ITFG1: variants seen among roughly 807,000 people sequenced by gnomAD.
The protein encoded by ITFG1 is integrin alpha FG-GAP repeat containing 1.
ITFG1 carries 34 observed loss-of-function variants against 81.8 expected under a neutral mutation model. The ratio of observed to expected loss-of-function variants is 0.42; its 90% CI spans 0.32 to 0.55. ITFG1 has a LOEUF of 0.55. Ranked by LOEUF, ITFG1 falls within the 20% of genes least tolerant of loss-of-function variation. The probability of loss-of-function intolerance (pLI) is 0.17; values close to 1 mark genes in which losing one functional copy is unlikely to be tolerated. For synonymous variants in ITFG1, 285 were observed against 270.6 expected, an observed-to-expected ratio of 1.05 and a Z score of -0.52; for missense variants, 672 against 755.4, an observed-to-expected ratio of 0.89 and a Z score of 1.29.
rs1395519083 is a variant in ITFG1, at chr16:47,260,574, C to G, written c.1192G>C (p.Val398Leu). Residue 398 changes from valine to leucine, a missense_variant, in exon 11 of 18, where the codon GTT becomes CTT. Transcript: ENST00000320640. ...TDLNQIKDAM[V>L]ATFFDIYEDG... ...TCGTAAATGTCAAAGAAGGTGGCAACCATGGCATCCTTAATTTGATTTAGG... is the reference window on the plus strand; with the variant it reads ...TCGTAAATGTCAAAGAAGGTGGCAAGCATGGCATCCTTAATTTGATTTAGG... 1.9e-6 allele frequency: 3 copies of G among 1,614,128 alleles called. No homozygotes were observed. The highest frequency in any genetic ancestry group is 2.2e-5 in the South Asian group (2 of 91,080).
intron 13 of ITFG1, among the ~76,000 whole-genome samples, chr16:47,230,459 A>G (rs557010714): frequency 6.6e-6 from 1 of 152,260 alleles, no homozygotes; most frequent in African/African-American, 2.4e-5. Flanking sequence ...GAAAAGAGAG[A>G]TGGGTAGTAG....
intron 6 of ITFG1, among the ~76,000 whole-genome samples, chr16:47,418,845 T>C (rs927850233): frequency 2.0e-5 from 3 of 152,230 alleles, no homozygotes; most frequent in African/African-American, 7.2e-5. Flanking sequence ...AGAATTGTTC[T>C]TTTTGCTCAG....
At chr16:47,190,484 G>A (rs764743007) in intron 14 of ITFG1, among the ~76,000 whole-genome samples, 8 of 152,136 alleles carry the variant, frequency 5.3e-5, no homozygotes, top group Non-Finnish European at 1.2e-4. Flanking sequence ...TTTTCCTTTA[G>A]CAAAGTCAGT....
At chr16:47,282,407 G>T (rs1183061350) in intron 10 of ITFG1, among the ~76,000 whole-genome samples, 5 of 152,040 alleles carry the variant, frequency 3.3e-5, no homozygotes. Flanking sequence ...TGCTGCAAAA[G>T]ACACGATTTC....
At chr16:47,453,036 T>A (rs1338273908) in intron 3 of ITFG1, among the ~76,000 whole-genome samples, 1 of 152,168 alleles carries the variant, frequency 6.6e-6, no homozygotes, top group Non-Finnish European at 1.5e-5. Flanking sequence ...GAGGTATGCA[T>A]CTAAATATTT....
intron 6 of ITFG1, chr16:47,396,292 G>A: frequency 7.3e-6 from 2 of 272,926 alleles, no homozygotes; most frequent in Non-Finnish European, 1.1e-5. Flanking sequence ...TCTCCAATGG[G>A]AGCAAAAGGG....
At chr16:47,404,601 C>T (rs1215420062) in intron 6 of ITFG1, among the ~76,000 whole-genome samples, 3 of 151,852 alleles carry the variant, frequency 2.0e-5, no homozygotes, top group Admixed American at 2.0e-4. Flanking sequence ...TATTATTTCC[C>T]TTCTTCTCTA....
At chr16:47,217,818 G>A (rs1015167062) in intron 14 of ITFG1, among the ~76,000 whole-genome samples, 2 of 152,064 alleles carry the variant, frequency 1.3e-5, no homozygotes, top group South Asian at 2.1e-4. Context: ...CCAGCTGCTC[G>A]GGAGGCTGAG....
chr16:47,434,237 C>T (rs1038040517), intron 5 of ITFG1, among the ~76,000 whole-genome samples: 1 of 151,620 alleles, frequency 6.6e-6, no homozygotes, highest in Admixed American at 6.6e-5. Flanking sequence ...AGTTTCTGCA[C>T]AGCGAAAGAA....
chr16:47,299,541 G>A (rs550802652), intron 10 of ITFG1: 1 of 152,486 alleles, frequency 6.6e-6, no homozygotes, highest in South Asian at 2.1e-4. Context: ...CAGCCCTGAT[G>A]GGGGTTGGAG....
At chr16:47,164,998 G>C (rs1004789846) in intron 14 of ITFG1, among the ~76,000 whole-genome samples, 1 of 152,222 alleles carries the variant, frequency 6.6e-6, no homozygotes, top group Non-Finnish European at 1.5e-5. Flanking sequence ...TGTGGCTTTG[G>C]TTAATTTCCA....
chr16:47,323,100 T>C (rs745897417), intron 8 of ITFG1, among the ~76,000 whole-genome samples: 36 of 152,112 alleles, frequency 2.4e-4, no homozygotes, highest in Non-Finnish European at 4.7e-4. Context: ...ACTATTATGA[T>C]TTGAATATTT....
At chr16:47,242,257 A>G (rs1485311939) in intron 12 of ITFG1, among the ~76,000 whole-genome samples, 2 of 152,036 alleles carry the variant, frequency 1.3e-5, no homozygotes, top group East Asian at 1.9e-4. Context: ...GAACTTCTAG[A>G]TATCAGTTAG....
chr16:47,198,641 T>C (rs1435476041), intron 14 of ITFG1, among the ~76,000 whole-genome samples: 3 of 152,030 alleles, frequency 2.0e-5, no homozygotes, highest in East Asian at 3.9e-4. Flanking sequence ...GAAGAAGGTA[T>C]TGTCATCATA....
chr16:47,388,915 G>C (rs1968496019), intron 6 of ITFG1, among the ~76,000 whole-genome samples: 1 of 152,058 alleles, frequency 6.6e-6, no homozygotes, highest in South Asian at 2.1e-4. Flanking sequence ...ACGGCTGCAG[G>C]GTCACAAGAC....
intron 13 of ITFG1, among the ~76,000 whole-genome samples, chr16:47,219,317 C>T (rs1240946846): frequency 6.6e-6 from 1 of 152,062 alleles, no homozygotes; most frequent in Non-Finnish European, 1.5e-5. Context: ...AAAATATCAA[C>T]ATAAATAAAA....
intron 6 of ITFG1, among the ~76,000 whole-genome samples, chr16:47,401,477 C>T (rs1191418086): frequency 6.6e-6 from 1 of 152,064 alleles, no homozygotes; most frequent in Non-Finnish European, 1.5e-5. Context: ...AAATCCTGAG[C>T]TTTACCCACA....
intron 14 of ITFG1, among the ~76,000 whole-genome samples, chr16:47,192,767 G>T (rs1224860550): frequency 6.6e-6 from 1 of 152,120 alleles, no homozygotes; most frequent in Non-Finnish European, 1.5e-5. Context: ...TTGTTTGTTT[G>T]TTTTTTAAAA....
intron 3 of ITFG1, 87 bp downstream of exon 3, chr16:47,453,926 A>G: frequency 1.2e-6 from 1 of 864,486 alleles, no homozygotes; most frequent in Non-Finnish European, 1.8e-6. Context: ...CAAGAACAGT[A>G]TTTTTGAACT....
Sources: allele counts gnomAD v4.1 joint callset (sites outside exome capture counted in the v4.1 genomes callset), GRCh38; gene constraint gnomAD v4.1.1; transcripts MANE v1.5; gene names NCBI Gene and HGNC (gene_info 2026-07-23, HGNC 2026-07-21).